Variants in DAB1 observed in about 807,000 individuals in gnomAD.
The protein encoded by DAB1 is disabled homolog 1.
DAB1 carries 15 observed loss-of-function variants against 64.6 expected under a neutral mutation model. The ratio of observed to expected loss-of-function variants is 0.23; its 90% confidence interval spans 0.16 to 0.36. The LOEUF is 0.36. Among genes scored for constraint, DAB1 ranks in the 10% least tolerant of loss-of-function variants. The pLI is 1.00. For synonymous variants in DAB1, 235 were observed against 251.9 expected (o/e 0.93, Z 0.64); for missense variants, 596 against 706.7 (o/e 0.84, Z 1.78).
At chr1:57,033,844 C>T (rs1647041531) in intron 9 of DAB1, among the ~76,000 whole-genome samples, 1 of 152,226 alleles carries the variant, frequency 6.6e-6, no homozygotes. Flanking sequence ...CAGTTACAGA[C>T]ATCAGCAATG....
At chr1:57,213,704 G>A (rs1272739083) in intron 2 of DAB1, among the ~76,000 whole-genome samples, 1 of 152,170 alleles carries the variant, frequency 6.6e-6, no homozygotes, top group African/African-American at 2.4e-5. Context: ...CCTACAGGCA[G>A]GTAACCTCTT....
At chr1:57,886,331 G>C (rs1431821376), upstream of DAB1, among the ~76,000 whole-genome samples, 2 of 152,090 alleles carry the variant, frequency 1.3e-5, no homozygotes, top group African/African-American at 4.8e-5. Context: ...GCTAATTTTT[G>C]TGTTTTTAGT....
At chr1:57,883,050 C>A (rs781162686) in intron 1 of DAB1, among the ~76,000 whole-genome samples, 1 of 152,186 alleles carries the variant, frequency 6.6e-6, no homozygotes, top group African/African-American at 2.4e-5. Flanking sequence ...GATCTGTGAA[C>A]TTCCATTGCA....
At chr1:58,398,462 G>C (rs1218002534) in intron 3 of DAB1, among the ~76,000 whole-genome samples, 1 of 152,250 alleles carries the variant, frequency 6.6e-6, no homozygotes, top group Non-Finnish European at 1.5e-5. Context: ...ACAGTTGTAA[G>C]AGGCCAAGCC....
intron 6 of DAB1, among the ~76,000 whole-genome samples, chr1:57,686,122 T>C (rs1570736725): frequency 6.6e-6 from 1 of 151,772 alleles, no homozygotes; most frequent in African/African-American, 2.4e-5. Context: ...CAAACATTGG[T>C]TTTTCAAAGA....
intron 5 of DAB1, among the ~76,000 whole-genome samples, chr1:57,899,696 GA>G (rs531339452): frequency 0.042 from 6,161 of 145,632 alleles, 440 homozygotes; most frequent in African/African-American, 0.14. Flanking sequence ...GTGAATGGTA[GA>G]AAAAAAAAAA....
chr1:57,664,813 G>A (rs1646427363), intron 6 of DAB1, among the ~76,000 whole-genome samples: 1 of 151,804 alleles, frequency 6.6e-6, no homozygotes, highest in Non-Finnish European at 1.5e-5. Flanking sequence ...AACATTTTAA[G>A]CAGAAAAAAA....
At chr1:57,787,589 T>A (rs1650395395) in intron 6 of DAB1, among the ~76,000 whole-genome samples, 1 of 152,060 alleles carries the variant, frequency 6.6e-6, no homozygotes, top group Admixed American at 6.6e-5. Flanking sequence ...AAAAAAGTCT[T>A]GGTAATCTTG....
At chr1:57,146,051 C>G (rs957642905) in intron 2 of DAB1, among the ~76,000 whole-genome samples, 1 of 152,202 alleles carries the variant, frequency 6.6e-6, no homozygotes, top group African/African-American at 2.4e-5. Context: ...CCAACAGGCT[C>G]TCTCAATAAT....
At chr1:58,389,814 T>C (rs903132272) in intron 3 of DAB1, among the ~76,000 whole-genome samples, 1 of 152,058 alleles carries the variant, frequency 6.6e-6, no homozygotes, top group Non-Finnish European at 1.5e-5. Context: ...GTTACAGGTA[T>C]AAATTGAATT....
At chr1:57,350,470 T>G (rs1237121757) in intron 1 of DAB1, among the ~76,000 whole-genome samples, 1 of 152,170 alleles carries the variant, frequency 6.6e-6, no homozygotes, top group East Asian at 1.9e-4. Context: ...AAATGTTTAG[T>G]GACAGGAGAT....
At chr1:57,861,712 T>C (rs1009031177) in intron 1 of DAB1, among the ~76,000 whole-genome samples, 3 of 150,344 alleles carry the variant, frequency 2.0e-5, no homozygotes, top group Non-Finnish European at 4.4e-5. Flanking sequence ...TTTTAAGTGC[T>C]TCACACAATA....
intron 4 of DAB1, among the ~76,000 whole-genome samples, chr1:58,250,392 C>T (rs1291388940): frequency 1.3e-5 from 2 of 152,226 alleles, no homozygotes; most frequent in Non-Finnish European, 2.9e-5. Flanking sequence ...CTGGGTATCC[C>T]GGAGAGGGGA....
intron 7 of DAB1, among the ~76,000 whole-genome samples, chr1:57,648,994 T>C (rs949222079): frequency 6.6e-6 from 1 of 152,096 alleles, no homozygotes; most frequent in African/African-American, 2.4e-5. Flanking sequence ...AGAATAGGCG[T>C]TTTCAATTGT....
chr1:57,339,635 G>A (rs1292626624), intron 1 of DAB1, among the ~76,000 whole-genome samples: 1 of 152,140 alleles, frequency 6.6e-6, no homozygotes, highest in East Asian at 1.9e-4. Context: ...TATGTTTAAG[G>A]TCCTAACAGT....
intron 2 of DAB1, among the ~76,000 whole-genome samples, chr1:57,207,610 A>AT (rs1365429080): frequency 1.3e-5 from 2 of 148,948 alleles, no homozygotes; most frequent in African/African-American, 5.0e-5. Flanking sequence ...CGCCCAGCTA[A>AT]TTTTTTGTAT....
At chr1:57,588,493 C>T (rs1473805678) in intron 7 of DAB1, among the ~76,000 whole-genome samples, 1 of 152,078 alleles carries the variant, frequency 6.6e-6, no homozygotes, top group Non-Finnish European at 1.5e-5. Flanking sequence ...GAATTAAAAT[C>T]CTGAATACCA....
intron 9 of DAB1, among the ~76,000 whole-genome samples, chr1:57,044,367 T>C (rs952560159): frequency 6.6e-6 from 1 of 152,208 alleles, no homozygotes; most frequent in Non-Finnish European, 1.5e-5. Context: ...AATGAATGCT[T>C]GAGCAGAGCA....
chr1:58,493,168 C>T (rs1221439012), intron 3 of DAB1, among the ~76,000 whole-genome samples: 3 of 152,170 alleles, frequency 2.0e-5, no homozygotes, highest in Non-Finnish European at 4.4e-5. Flanking sequence ...AGAAAAACCA[C>T]ATGATTATCT....
Sources: gnomAD v4.1 joint callset for allele counts (sites outside exome capture counted in the v4.1 genomes callset) on GRCh38, gnomAD v4.1.1 for gene constraint, MANE v1.5 for transcripts, NCBI Gene and HGNC (gene_info 2026-07-23, HGNC 2026-07-21) for gene names.